DMD: variants seen among roughly 807,000 people sequenced by gnomAD.
The protein encoded by DMD is mutant dystrophin.
Under a neutral mutation model 330.1 loss-of-function variants are expected in DMD, and 63 were observed. The ratio of observed to expected loss-of-function variants is 0.19; its 90% CI spans 0.16 to 0.24. DMD has a LOEUF of 0.24. Among genes scored for constraint, DMD ranks in the 10% least tolerant of loss-of-function variants. DMD has a pLI of 1.00. For synonymous variants in DMD, 1,223 were observed against 959.8 expected (o/e 1.27, Z -5.07); for missense variants, 3,344 against 2,684.1 (o/e 1.25, Z -5.43).
chrX:32,193,726 T>C (rs968568117), intron 44 of DMD, among the ~76,000 whole-genome samples: 5 of 112,073 alleles, frequency 4.5e-5, no homozygotes, highest in African/African-American at 1.6e-4. Context: ...CTTGTTCTAG[T>C]CTGTGATGGG....
chrX:32,782,187 G>A (rs754580749), intron 7 of DMD, among the ~76,000 whole-genome samples: 1 of 111,149 alleles, frequency 9.0e-6, no homozygotes, highest in Non-Finnish European at 1.9e-5. Context: ...ACATTAAAAA[G>A]GTTCTTTTCT....
chrX:32,723,128 G>T (rs942267356), intron 7 of DMD, among the ~76,000 whole-genome samples: 1 of 111,370 alleles, frequency 9.0e-6, no homozygotes. Flanking sequence ...TTTGCGAAGA[G>T]TTATAATAAT....
chrX:31,843,213 T>A (rs1274563905), intron 48 of DMD, among the ~76,000 whole-genome samples: 2 of 111,820 alleles, frequency 1.8e-5, no homozygotes, highest in Non-Finnish European at 3.8e-5. Context: ...GTAGAATGAT[T>A]TATTTACTTT....
Position 32,724,124 on chromosome X carries a change from C to A in DMD, c.650-24831G>T, listed in dbSNP as rs376391308. On this transcript the variant is annotated intron_variant, in intron 7 of 78. Transcript: ENST00000357033. ...TCAAATATAATACATTTAAATGGTGCAATTCTACTTCTTGAGGAAATCCTT... is the reference window on the plus strand; with the variant it reads ...TCAAATATAATACATTTAAATGGTGAAATTCTACTTCTTGAGGAAATCCTT... Among the ~76,000 whole-genome samples the A allele has an allele frequency of 3.8e-4, 43 of 111,985 alleles. 1 individual carries two copies. Among genetic ancestry groups the A allele is most frequent in the African/African-American group, 1.3e-3 (40 of 30,973 alleles).
chrX:31,202,686 A>T (rs1422778439), intron 67 of DMD, among the ~76,000 whole-genome samples: 2 of 111,926 alleles, frequency 1.8e-5, no homozygotes, highest in Non-Finnish European at 3.8e-5. Context: ...CATTTTGTAA[A>T]TCTCAGCCAT....
At chrX:31,552,815 C>T (rs181734980) in intron 55 of DMD, among the ~76,000 whole-genome samples, 2 of 111,825 alleles carry the variant, frequency 1.8e-5, no homozygotes, top group Admixed American at 9.5e-5. Context: ...TTTCCTTATC[C>T]GCAGAATGGA....
At chrX:32,834,503 CA>C (rs1467378042) in intron 4 of DMD, among the ~76,000 whole-genome samples, 5 of 111,542 alleles carry the variant, frequency 4.5e-5, no homozygotes, top group Non-Finnish European at 9.4e-5. Context: ...TATCATTTTT[CA>C]GATCAGTGAC....
chrX:32,671,205 T>A (rs2061613482), intron 9 of DMD, among the ~76,000 whole-genome samples: 2 of 110,961 alleles, frequency 1.8e-5, no homozygotes, highest in African/African-American at 6.5e-5. Context: ...TTGGCCTAGG[T>A]ACTTATATAA....
intron 69 of DMD, among the ~76,000 whole-genome samples, chrX:31,179,060 G>C (rs768339206): frequency 1.8e-5 from 2 of 112,101 alleles, no homozygotes; most frequent in Non-Finnish European, 3.8e-5. Flanking sequence ...ACGTTGTTAT[G>C]ATAAATAAAA....
chrX:32,993,257 A>G (rs1455342134), intron 2 of DMD, among the ~76,000 whole-genome samples: 2 of 112,138 alleles, frequency 1.8e-5, no homozygotes, highest in Non-Finnish European at 3.8e-5. Flanking sequence ...ATAGGTCAAG[A>G]CATTTGTGAG....
At chrX:31,483,182 G>A (rs985281732) in intron 57 of DMD, among the ~76,000 whole-genome samples, 1 of 107,774 alleles carries the variant, frequency 9.3e-6, no homozygotes, top group Non-Finnish European at 1.9e-5. Context: ...GAGTAGCTGG[G>A]ACTACAGGCG....
At chrX:32,547,576 A>G (rs2148973330) in intron 16 of DMD, among the ~76,000 whole-genome samples, 1 of 111,338 alleles carries the variant, frequency 9.0e-6, no homozygotes, top group Admixed American at 9.6e-5. Context: ...CATATAACAA[A>G]TTAATAATCA....
chrX:33,173,666 T>G (rs1238528769), intron 1 of DMD, among the ~76,000 whole-genome samples: 1 of 111,013 alleles, frequency 9.0e-6, no homozygotes, highest in Admixed American at 9.7e-5. Flanking sequence ...AATGATAACA[T>G]TATTACTGGA....
intron 7 of DMD, among the ~76,000 whole-genome samples, chrX:32,749,799 G>C (rs755517025): frequency 4.4e-4 from 49 of 112,119 alleles, no homozygotes; most frequent in Non-Finnish European, 7.3e-4. Context: ...ACAAAAAAAT[G>C]ACACACAATT....
intron 29 of DMD, among the ~76,000 whole-genome samples, chrX:32,425,653 A>G (rs2098209391): frequency 9.0e-6 from 1 of 110,831 alleles, no homozygotes; most frequent in Non-Finnish European, 1.9e-5. Flanking sequence ...GTTCCTCCTC[A>G]CTTTGGAACA....
intron 34 of DMD, among the ~76,000 whole-genome samples, chrX:32,368,674 G>C (rs2097862507): frequency 9.0e-6 from 1 of 111,086 alleles, no homozygotes; most frequent in Non-Finnish European, 1.9e-5. Flanking sequence ...TCCTCTCAAA[G>C]GGAGCTCCTT....
chrX:31,951,266 T>A (rs1248308405), intron 45 of DMD, among the ~76,000 whole-genome samples: 1 of 103,504 alleles, frequency 9.7e-6, no homozygotes, highest in African/African-American at 3.5e-5. Flanking sequence ...TGAAACAAAG[T>A]TTTGGCTGTG....
At chrX:32,784,446 G>A (rs752717807) in intron 7 of DMD, among the ~76,000 whole-genome samples, 15 of 111,899 alleles carry the variant, frequency 1.3e-4, no homozygotes, top group African/African-American at 4.5e-4. Context: ...TAGCTCAGGT[G>A]TCAGTTCTAA....
chrX:32,849,980 CAAAA>C lies in DMD; in HGVS notation c.94-164_94-161del, dbSNP rs369976296. Among the ~76,000 whole-genome samples the C allele has an allele frequency of 0.019, 2,153 of 110,778 alleles. 51 individuals are homozygous for C. The highest frequency in any genetic ancestry group is 0.067 in the African/African-American group (2,038 of 30,401). ...GATGAAAAAAGGAAAGTTCAAATGACAAAAAAAATTTAAAAATTTTATCATAGGT... is the reference window on the plus strand; with the variant it reads ...GATGAAAAAAGGAAAGTTCAAATGACAAAATTTAAAAATTTTATCATAGGT... On this transcript the variant is annotated intron_variant, in intron 2 of 78. Transcript: ENST00000357033.
Sources: gnomAD v4.1 joint callset for allele counts (sites outside exome capture counted in the v4.1 genomes callset) on GRCh38, gnomAD v4.1.1 for gene constraint, MANE v1.5 for transcripts, NCBI Gene and HGNC (gene_info 2026-07-23, HGNC 2026-07-21) for gene names.